Variants in RABGAP1L observed in about 807,000 individuals in gnomAD.
RABGAP1L encodes the protein rab GTPase-activating protein 1-like.
Under a neutral mutation model 137.7 loss-of-function variants are expected in RABGAP1L, and 63 were observed. The observed-to-expected ratio is 0.46, with a 90% confidence interval of 0.37 to 0.56. The LOEUF (loss-of-function observed/expected upper bound fraction) is 0.56, where lower values mean the gene tolerates loss of function less well. Ranked by LOEUF, RABGAP1L falls within the 20% of genes least tolerant of loss-of-function variation. RABGAP1L has a pLI of 0.00. For synonymous variants in RABGAP1L, 431 were observed against 433.7 expected (o/e 0.99, Z 0.08); for missense variants, 1,095 against 1,244.0 (o/e 0.88, Z 1.80).
At chr1:174,422,294 A>G (rs760346293) in intron 13 of RABGAP1L, among the ~76,000 whole-genome samples, 3 of 152,094 alleles carry the variant, frequency 2.0e-5, no homozygotes, top group Non-Finnish European at 4.4e-5. Context: ...AAACCAGAAA[A>G]TCTTCTCTGC....
At chr1:174,371,690 A>G (rs190421820) in intron 12 of RABGAP1L, among the ~76,000 whole-genome samples, 101 of 152,286 alleles carry the variant, frequency 6.6e-4, no homozygotes, top group South Asian at 4.1e-3. Context: ...TCCTGCCAAC[A>G]AAATACTTCC....
At chr1:174,180,292 G>A (rs1666243433) in intron 1 of RABGAP1L, among the ~76,000 whole-genome samples, 1 of 152,158 alleles carries the variant, frequency 6.6e-6, no homozygotes, top group Admixed American at 6.6e-5. Flanking sequence ...AAGTTGGTGT[G>A]ACCACACTGT....
intron 13 of RABGAP1L, among the ~76,000 whole-genome samples, chr1:174,433,090 T>C (rs932426190): frequency 3.9e-5 from 6 of 152,200 alleles, no homozygotes; most frequent in African/African-American, 1.4e-4. Flanking sequence ...TAACCAACTT[T>C]TAAAGGTAAG....
At chr1:174,932,413 GT>G (rs1343180515) in intron 19 of RABGAP1L, among the ~76,000 whole-genome samples, 1 of 152,012 alleles carries the variant, frequency 6.6e-6, no homozygotes, top group African/African-American at 2.4e-5. Flanking sequence ...CTCCATTTGA[GT>G]TTGTCTGGTG....
intron 18 of RABGAP1L, among the ~76,000 whole-genome samples, chr1:174,781,429 T>C (rs1173659784): frequency 1.3e-5 from 2 of 152,268 alleles, no homozygotes; most frequent in Non-Finnish European, 1.5e-5. Flanking sequence ...TTTTTTCTTG[T>C]AAATTTGTTT....
intron 19 of RABGAP1L, among the ~76,000 whole-genome samples, chr1:174,921,627 G>T (rs529285742): frequency 6.6e-6 from 1 of 152,130 alleles, no homozygotes; most frequent in African/African-American, 2.4e-5. Context: ...AAAGTAATCC[G>T]GAAATCAATG....
intron 15 of RABGAP1L, among the ~76,000 whole-genome samples, chr1:174,694,598 A>G (rs188948928): frequency 0.021 from 3,187 of 151,610 alleles, 52 homozygotes; most frequent in Middle Eastern, 0.085. Flanking sequence ...CCAGTCTATC[A>G]TTGTTGGACA....
chr1:174,549,025 T>C (rs1666237317), intron 13 of RABGAP1L, among the ~76,000 whole-genome samples: 1 of 152,196 alleles, frequency 6.6e-6, no homozygotes, highest in South Asian at 2.1e-4. Flanking sequence ...ACAGCATATG[T>C]TATTTTCAGT....
Position 174,448,321 on chromosome 1 carries a change from G to C in RABGAP1L, c.1710+54176G>C. Reference sequence around the variant, plus strand: ...TCTTTGTCTTTCATTGTGCTCCACTGTTACATCATTATACTACCAGCTATT... The same window carrying C: ...TCTTTGTCTTTCATTGTGCTCCACTCTTACATCATTATACTACCAGCTATT... On this transcript the variant is annotated intron_variant, in intron 13 of 25. Coordinates refer to ENST00000681986, the MANE Select transcript of RABGAP1L (RefSeq NM_001366446.1). The surrounding 1 kb of genome is among the most constrained non-coding windows in gnomAD (Gnocchi z 4.2). 1 of 1,613,636 alleles carries C rather than the reference G, an allele frequency of 6.2e-7. No homozygotes were observed. The highest frequency in any genetic ancestry group is 8.5e-7 in the Non-Finnish European group (1 of 1,179,584).
chr1:174,597,328 T>C (rs1455969218), intron 13 of RABGAP1L, among the ~76,000 whole-genome samples: 1 of 152,208 alleles, frequency 6.6e-6, no homozygotes, highest in Non-Finnish European at 1.5e-5. Context: ...AATTCTGCAG[T>C]GAAGCCATCA....
intron 13 of RABGAP1L, among the ~76,000 whole-genome samples, chr1:174,397,314 T>C (rs1647988415): frequency 6.6e-6 from 1 of 152,244 alleles, no homozygotes; most frequent in South Asian, 2.1e-4. Flanking sequence ...ATATTTTCTC[T>C]GGCAGTGTGG....
At chr1:174,685,551 CTTTATTTATTTA>C (rs58721848) in intron 15 of RABGAP1L, among the ~76,000 whole-genome samples, 7 of 145,066 alleles carry the variant, frequency 4.8e-5, no homozygotes, top group South Asian at 2.3e-4. Context: ...CCGCGCCGGC[CTTTATTTATTTA>C]TTTATTTATT....
At chr1:174,723,705 A>G (rs1191763766) in intron 17 of RABGAP1L, among the ~76,000 whole-genome samples, 1 of 152,242 alleles carries the variant, frequency 6.6e-6, no homozygotes, top group Admixed American at 6.5e-5. Context: ...GCTGCACAAT[A>G]GAGCCATAGT....
intron 18 of RABGAP1L, among the ~76,000 whole-genome samples, chr1:174,796,215 C>T (rs887912820): frequency 1.3e-5 from 2 of 152,210 alleles, no homozygotes; most frequent in East Asian, 1.9e-4. Context: ...CTTATAATCC[C>T]AGCTACTCAG....
chr1:174,371,581 G>A (rs1449690297), intron 12 of RABGAP1L, among the ~76,000 whole-genome samples: 1 of 151,854 alleles, frequency 6.6e-6, no homozygotes, highest in Admixed American at 6.6e-5. Flanking sequence ...TACAAAAAAA[G>A]TACTCTGTTT....
chr1:174,841,593 G>A (rs1340074921), intron 19 of RABGAP1L, among the ~76,000 whole-genome samples: 1 of 151,872 alleles, frequency 6.6e-6, no homozygotes, highest in Non-Finnish European at 1.5e-5. Context: ...GACAAAAATT[G>A]ATCAGCTAAA....
chr1:174,820,996 G>A (rs1018918608), intron 19 of RABGAP1L, among the ~76,000 whole-genome samples: 5 of 143,032 alleles, frequency 3.5e-5, no homozygotes, highest in African/African-American at 5.2e-5. Flanking sequence ...CAGCCTGGGC[G>A]ACAGAGTGAG....
At chr1:174,966,641 A>G (rs1669654542) in intron 20 of RABGAP1L, among the ~76,000 whole-genome samples, 1 of 152,192 alleles carries the variant, frequency 6.6e-6, no homozygotes, top group Non-Finnish European at 1.5e-5. Context: ...TTTAGTCTCC[A>G]CATTTATTAT....
intron 11 of RABGAP1L, among the ~76,000 whole-genome samples, chr1:174,315,637 T>G (rs1413307765): frequency 6.9e-6 from 1 of 144,810 alleles, no homozygotes; most frequent in Non-Finnish European, 1.5e-5. Context: ...TTTTTTTTTT[T>G]GAGACATGGT....
Sources: allele counts gnomAD v4.1 joint callset (sites outside exome capture counted in the v4.1 genomes callset), GRCh38; gene constraint gnomAD v4.1.1; non-coding constraint Gnocchi (gnomAD v3.1); transcripts MANE v1.5; gene names NCBI Gene and HGNC (gene_info 2026-07-23, HGNC 2026-07-21).